WARS2: variants seen among roughly 807,000 people sequenced by gnomAD.
WARS2 encodes the protein tryptophanyl tRNA synthetase 2, mitochondrial.
In WARS2, 28 loss-of-function variants were observed where a neutral mutation model predicts 36.5. The ratio of observed to expected loss-of-function variants is 0.77; its 90% CI spans 0.57 to 1.05. WARS2 has a LOEUF of 1.05. Ranked by LOEUF, WARS2 falls within the 50% of genes least tolerant of loss-of-function variation. WARS2 has a pLI of 0.00. For synonymous variants in WARS2, 174 were observed against 178.4 expected (o/e 0.98, Z 0.20); for missense variants, 435 against 456.8 (o/e 0.95, Z 0.44).
chr1:119,077,124 C>G, intron 1 of WARS2, among the ~76,000 whole-genome samples: 1 of 50,826 alleles, frequency 2.0e-5, no homozygotes, highest in African/African-American at 6.8e-5. Flanking sequence ...GGCAACAGAG[C>G]GAGACCCCGT....
chr1:119,117,094 G>A (rs1301286555), intron 1 of WARS2, among the ~76,000 whole-genome samples: 7 of 152,182 alleles, frequency 4.6e-5, no homozygotes, highest in African/African-American at 1.4e-4. Context: ...AGGGAGGCAC[G>A]GTGAAGGTGA....
intron 1 of WARS2, among the ~76,000 whole-genome samples, chr1:119,135,387 CT>C (rs1656412547): frequency 6.6e-6 from 1 of 152,084 alleles, no homozygotes; most frequent in Non-Finnish European, 1.5e-5. Context: ...AAAAGCTTTG[CT>C]TTTATCTGTT....
intron 4 of WARS2, among the ~76,000 whole-genome samples, chr1:119,038,036 T>C (rs1414360144): frequency 6.6e-6 from 1 of 152,214 alleles, no homozygotes; most frequent in Non-Finnish European, 1.5e-5. Context: ...TACAAATAGC[T>C]TCCTGTTACT....
intron 1 of WARS2, among the ~76,000 whole-genome samples, chr1:119,078,955 C>A (rs1389355636): frequency 1.3e-5 from 2 of 151,532 alleles, no homozygotes; most frequent in Non-Finnish European, 2.9e-5. Flanking sequence ...TAGACACACA[C>A]ACACACACAT....
chr1:119,069,965 G>A (rs769136034), intron 2 of WARS2, among the ~76,000 whole-genome samples: 1 of 152,152 alleles, frequency 6.6e-6, no homozygotes, highest in Non-Finnish European at 1.5e-5. Flanking sequence ...CAAGGTTCCC[G>A]CCTCATGAGT....
In WARS2 at chr1:119,076,602, G is replaced by C; in HGVS notation, c.96C>G (p.Asp32Glu). 1.9e-6 allele frequency: 3 copies of C among 1,614,050 alleles called. No individual in the cohort carries two copies. Among genetic ancestry groups the C allele is most frequent in the Non-Finnish European group, 1.7e-6 (2 of 1,179,984 alleles). ...TGCCGGAAAATACTCGCTTCTTGCT[G>C]TCTTTCTGGAACAAAGGAAAACAAG... Reference protein sequence around the residue: ...GSAAAPALQKDSKKRVFSGIQ... With the variant: ...GSAAAPALQKESKKRVFSGIQ... Residue 32 changes from aspartate to glutamate, a missense_variant, in exon 2 of 6, where the codon GAC (aspartate) becomes GAG (glutamate). By Grantham distance (45) the Asp-to-Glu change is conservative. Transcript: ENST00000235521.
At chr1:119,097,778 C>A (rs12033970) in intron 1 of WARS2, among the ~76,000 whole-genome samples, 1 of 151,952 alleles carries the variant, frequency 6.6e-6, no homozygotes, top group Non-Finnish European at 1.5e-5. Context: ...ATATGCATGT[C>A]AATGAAGTAG....
At chr1:119,100,046 C>A (rs1214236093) in intron 1 of WARS2, among the ~76,000 whole-genome samples, 1 of 152,172 alleles carries the variant, frequency 6.6e-6, no homozygotes, top group Non-Finnish European at 1.5e-5. Flanking sequence ...TTGCAAACTA[C>A]TCATCTGACA....
intron 2 of WARS2, among the ~76,000 whole-genome samples, chr1:119,058,979 T>G (rs1286917286): frequency 1.3e-5 from 2 of 152,134 alleles, no homozygotes; most frequent in Non-Finnish European, 2.9e-5. Flanking sequence ...TGTTGTTTCC[T>G]GAATTTTTAA....
At chr1:119,138,093 A>G (rs1656641927) in intron 1 of WARS2, among the ~76,000 whole-genome samples, 1 of 152,166 alleles carries the variant, frequency 6.6e-6, no homozygotes, top group Admixed American at 6.5e-5. Flanking sequence ...AACCATTCAT[A>G]TGATAAATAT....
intron 2 of WARS2, among the ~76,000 whole-genome samples, chr1:119,052,257 A>AT (rs1272825570): frequency 6.6e-6 from 1 of 151,990 alleles, no homozygotes; most frequent in East Asian, 1.9e-4. Context: ...TTAAGATTTT[A>AT]TTTTTTCGCA....
chr1:119,113,923 C>T (rs898139119), intron 1 of WARS2, among the ~76,000 whole-genome samples: 3 of 151,998 alleles, frequency 2.0e-5, no homozygotes, highest in Non-Finnish European at 4.4e-5. Flanking sequence ...TAAATACTTG[C>T]TTGAGGTAAA....
At chr1:119,064,259 G>A (rs1650647083) in intron 2 of WARS2, 1 of 152,178 alleles carries the variant, frequency 6.6e-6, no homozygotes, top group Non-Finnish European at 1.5e-5. Context: ...CATTTGGAAT[G>A]GCTGTATTTA....
At chr1:119,060,700 G>C (rs1027647154) in intron 2 of WARS2, among the ~76,000 whole-genome samples, 2 of 152,148 alleles carry the variant, frequency 1.3e-5, no homozygotes, top group African/African-American at 4.8e-5. Context: ...TTTAAAAAAT[G>C]GATAACACGG....
chr1:119,110,990 T>A (rs2101498736), intron 1 of WARS2, among the ~76,000 whole-genome samples: 1 of 152,304 alleles, frequency 6.6e-6, no homozygotes, highest in African/African-American at 2.4e-5. Flanking sequence ...TTTAAAACTT[T>A]CTTAGAATTC....
chr1:119,065,696 A>G (rs146399963), intron 2 of WARS2, among the ~76,000 whole-genome samples: 226 of 152,156 alleles, frequency 1.5e-3, no homozygotes, highest in African/African-American at 5.2e-3. Context: ...CAAAATCAAA[A>G]GTATATCCTC....
chr1:119,122,075 C>A (rs748347487), intron 1 of WARS2, among the ~76,000 whole-genome samples: 1 of 152,082 alleles, frequency 6.6e-6, no homozygotes, highest in Non-Finnish European at 1.5e-5. Flanking sequence ...GCCTGCACAG[C>A]AAAAACAATA....
At chr1:119,108,865 C>G (rs1654422588) in intron 1 of WARS2, among the ~76,000 whole-genome samples, 1 of 151,848 alleles carries the variant, frequency 6.6e-6, no homozygotes, top group Admixed American at 6.6e-5. Context: ...CTATAATTTT[C>G]CCTCTAAGCA....
rs369604703 is a variant in WARS2, at chr1:119,042,354, G to A, written c.430-5C>T. 1.7e-5 allele frequency: 28 copies of A among 1,613,434 alleles called. No homozygotes were observed. Among genetic ancestry groups the A allele is most frequent in the South Asian group, 4.4e-5 (4 of 91,044 alleles). On this transcript the variant is annotated splice_polypyrimidine_tract_variant and splice_region_variant and intron_variant, in intron 3 of 5. Transcript: ENST00000235521. Reference sequence around the variant, plus strand: ...CTTCTGCTTGGTAGTCTTTGCCTGTGAGAGGTGAAAAGAGAGGAGGGGAAG... The same window carrying A: ...CTTCTGCTTGGTAGTCTTTGCCTGTAAGAGGTGAAAAGAGAGGAGGGGAAG...
Sources: gnomAD v4.1 joint callset for allele counts (sites outside exome capture counted in the v4.1 genomes callset) on GRCh38, gnomAD v4.1.1 for gene constraint, MANE v1.5 for transcripts, NCBI Gene and HGNC (gene_info 2026-07-23, HGNC 2026-07-21) for gene names.